SLC25A17: variants seen among roughly 807,000 people sequenced by gnomAD.
SLC25A17 encodes the protein peroxisomal membrane protein PMP34.
SLC25A17 carries 26 observed loss-of-function variants against 38.5 expected under a neutral mutation model. The observed-to-expected ratio is 0.68, with a 90% CI of 0.50 to 0.94. The LOEUF is 0.94. Ranked by LOEUF, SLC25A17 falls within the 40% of genes least tolerant of loss-of-function variation. The pLI is 0.00. For missense variants in SLC25A17, 333 were observed against 372.7 expected (o/e 0.89, Z 0.88); for synonymous variants, 139 against 136.2 (o/e 1.02, Z -0.14).
Position 40,769,680 on chromosome 22 carries a change from T to C in SLC25A17, c.*1154A>G, listed in dbSNP as rs1433409518. ...ATTAATCTCTTTCCTTTGAGAAAAA[T>C]CTTTATCTTGATGTCTATAATCGAA... is the stretch of plus-strand genomic sequence containing the variant. On this transcript the variant is annotated 3_prime_UTR_variant, in exon 9 of 9. Coordinates refer to ENST00000435456, the MANE Select transcript of SLC25A17 (RefSeq NM_006358.4). 6.6e-6 allele frequency: 1 copy of C among 152,184 alleles called. No individual in the cohort carries two copies. Among genetic ancestry groups the C allele is most frequent in the Admixed American group, 6.5e-5 (1 of 15,276 alleles). 9.4% of individuals were successfully genotyped at this position (152,184 alleles called of 1,614,324 possible).
chr22:40,817,148 A>G (rs1323894442), intron 1 of SLC25A17: 2 of 152,170 alleles, frequency 1.3e-5, no homozygotes, highest in African/African-American at 4.8e-5. Flanking sequence ...GGTCTTTTCA[A>G]TTAACCACTG....
At chr22:40,778,979 TAAA>T (rs1471526829) in intron 5 of SLC25A17, 27 bp downstream of exon 5, 1 of 1,573,900 alleles carries the variant, frequency 6.4e-7, no homozygotes, top group Non-Finnish European at 8.7e-7. Context: ...AGAAAACCCT[TAAA>T]TAGGAATTCA....
intron 2 of SLC25A17, chr22:40,797,938 T>C (rs1287304210): frequency 6.5e-6 from 1 of 154,414 alleles, no homozygotes; most frequent in African/African-American, 2.4e-5. Context: ...TTTCCCACCC[T>C]GACCTGGAAC....
At chr22:40,771,617 AAT>A (rs2057183865) in intron 8 of SLC25A17, among the ~76,000 whole-genome samples, 1 of 152,204 alleles carries the variant, frequency 6.6e-6, no homozygotes, top group Non-Finnish European at 1.5e-5. Context: ...CAGAAAGACA[AAT>A]ATCGCATGTT....
chr22:40,814,661 C>T (rs1363150955), intron 1 of SLC25A17, among the ~76,000 whole-genome samples: 2 of 151,278 alleles, frequency 1.3e-5, no homozygotes, highest in Non-Finnish European at 1.5e-5. Context: ...AAACCATTCA[C>T]AATAGTAGAT....
intron 8 of SLC25A17, among the ~76,000 whole-genome samples, chr22:40,772,018 A>T (rs912294775): frequency 1.1e-4 from 15 of 135,668 alleles, no homozygotes; most frequent in African/African-American, 1.6e-4. Flanking sequence ...TTAAAAAATT[A>T]AAAAAAAAAA....
intron 4 of SLC25A17, chr22:40,784,543 CAGA>C (rs1283558295): frequency 7.4e-6 from 2 of 270,818 alleles, no homozygotes; most frequent in East Asian, 1.5e-4. Context: ...AAGGTCGAGG[CAGA>C]AGAATCTCTT....
chr22:40,816,736 G>A (rs1227952563), intron 1 of SLC25A17, among the ~76,000 whole-genome samples: 3 of 151,514 alleles, frequency 2.0e-5, no homozygotes, highest in Non-Finnish European at 2.9e-5. Flanking sequence ...TCAGCCTCCC[G>A]AGTAGCTGGG....
intron 2 of SLC25A17, among the ~76,000 whole-genome samples, chr22:40,796,182 G>C (rs1215761351): frequency 6.6e-6 from 1 of 152,106 alleles, no homozygotes; most frequent in African/African-American, 2.4e-5. Flanking sequence ...GTTTTTCCTG[G>C]CATTCTCACT....
At chr22:40,773,857 A>G (rs1282290150) in intron 8 of SLC25A17, 80 bp downstream of exon 8, 1 of 975,408 alleles carries the variant, frequency 1.0e-6, no homozygotes, top group Non-Finnish European at 1.7e-6. Flanking sequence ...CAGTAGTGTG[A>G]GAGAGGGAAA....
chr22:40,779,333 TGGC>T (rs1481448969), intron 4 of SLC25A17: 2 of 1,373,154 alleles, frequency 1.5e-6, no homozygotes, highest in Non-Finnish European at 1.9e-6. Context: ...GCAAAATGGC[TGGC>T]GGCAGCAGCT....
At chr22:40,814,366 C>G (rs1025979268) in intron 1 of SLC25A17, among the ~76,000 whole-genome samples, 90 of 152,328 alleles carry the variant, frequency 5.9e-4, no homozygotes, top group African/African-American at 2.1e-3. Context: ...GTCTATATCA[C>G]TCTCCCCGGA....
At chr22:40,784,056 T>C (rs1415099586) in intron 4 of SLC25A17, among the ~76,000 whole-genome samples, 2 of 152,140 alleles carry the variant, frequency 1.3e-5, no homozygotes, top group African/African-American at 4.8e-5. Flanking sequence ...TCTGCTTAAA[T>C]TTTGTCTGTA....
At chr22:40,815,844 C>T (rs560622554) in intron 1 of SLC25A17, among the ~76,000 whole-genome samples, 19 of 152,160 alleles carry the variant, frequency 1.2e-4, no homozygotes, top group South Asian at 6.2e-4. Flanking sequence ...CTATGTATGA[C>T]GATATAATTT....
At chr22:40,819,065 C>G (rs747805572) in intron 1 of SLC25A17, 130 bp downstream of exon 1, 1 of 978,858 alleles carries the variant, frequency 1.0e-6, no homozygotes, top group Non-Finnish European at 1.5e-6. Context: ...CCTCTCTGCC[C>G]CACAGTCATG....
chr22:40,777,436 C>T, intron 5 of SLC25A17, 63 bp from the exon 6 acceptor site: 2 of 1,526,110 alleles, frequency 1.3e-6, no homozygotes, highest in Non-Finnish European at 1.8e-6. Context: ...GAGAAGACAA[C>T]ATGAATTCTG....
chr22:40,805,632 A>G (rs1306866172), intron 1 of SLC25A17, among the ~76,000 whole-genome samples: 4 of 152,136 alleles, frequency 2.6e-5, no homozygotes, highest in Non-Finnish European at 4.4e-5. Flanking sequence ...ATGAGCTTAA[A>G]AAAAGTTCTG....
At chr22:40,794,871 G>A (rs963893063) in intron 2 of SLC25A17, among the ~76,000 whole-genome samples, 3 of 151,802 alleles carry the variant, frequency 2.0e-5, no homozygotes, top group Non-Finnish European at 2.9e-5. Flanking sequence ...TGCCCACCTC[G>A]GCCTCCCAAA....
intron 4 of SLC25A17, among the ~76,000 whole-genome samples, chr22:40,787,672 C>T (rs1235939378): frequency 6.6e-6 from 1 of 151,988 alleles, no homozygotes; most frequent in Non-Finnish European, 1.5e-5. Flanking sequence ...TTCAGAATAG[C>T]AGTTCTTGAC....
Sources: gnomAD v4.1 joint callset for allele counts (sites outside exome capture counted in the v4.1 genomes callset) on GRCh38, gnomAD v4.1.1 for gene constraint, MANE v1.5 for transcripts, NCBI Gene and HGNC (gene_info 2026-07-23, HGNC 2026-07-21) for gene names.